The following MYCN variants were observed in gnomAD, a reference collection of about 807,000 sequenced individuals.
MYCN encodes the protein MYCN proto-oncogene, bHLH transcription factor.
MYCN carries 3 observed loss-of-function variants against 28.1 expected under a neutral mutation model. That is an observed-to-expected ratio of 0.11 (90% CI 0.05 to 0.28). The LOEUF (loss-of-function observed/expected upper bound fraction) is 0.28. MYCN is among the 10% of genes least tolerant of loss of function. The probability of loss-of-function intolerance (pLI) is 1.00; values close to 1 mark genes in which losing one functional copy is unlikely to be tolerated. For missense variants in MYCN, 572 were observed against 651.4 expected, an observed-to-expected ratio of 0.88 and a Z score of 1.33; for synonymous variants, 326 against 288.3, an observed-to-expected ratio of 1.13 and a Z score of -1.32.
In MYCN at chr2:15,946,229, G is replaced by GCCCACC; in HGVS notation, c.*133_*134insCCACCC. ...CCCTGTCGAGTTCGGCTCTGGGTGG[G>GCCCACC]CAGTAGGACCACCAGTGTGGGGTTC... On this transcript the variant is annotated 3_prime_UTR_variant, in exon 3 of 3. Coordinates refer to ENST00000281043, the MANE Select transcript of MYCN (RefSeq NM_005378.6). 8 of 1,298,066 alleles carry GCCCACC rather than the reference G, an allele frequency of 6.2e-6. No individual in the cohort carries two copies. Among genetic ancestry groups the GCCCACC allele is most frequent in the Non-Finnish European group, 6.5e-6 (6 of 920,024 alleles). The allele number at this position is 1,298,066 out of a possible 1,614,324, so 80.4% of individuals were successfully genotyped here. A position where few individuals can be genotyped will look rare whatever the true frequency, so the allele number is the denominator to read the frequency against.
intron 2 of MYCN, among the ~76,000 whole-genome samples, chr2:15,944,861 C>A (rs1336731156): frequency 6.6e-6 from 1 of 152,092 alleles, no homozygotes; most frequent in African/African-American, 2.4e-5. Flanking sequence ...CTGTCTGACC[C>A]TAAAGGCCAA....
chr2:15,945,701 C>T lies in MYCN; in HGVS notation c.999C>T (p.Ala333=), dbSNP rs138606824. The change falls in exon 3 of 3, where the codon GCC becomes GCT. Residue 333 remains alanine, a synonymous_variant. Coordinates refer to ENST00000281043, the MANE Select transcript of MYCN (RefSeq NM_005378.6). This position sits in a 1 kb window ranked among gnomAD's most constrained non-coding sequence, Gnocchi z 4.8. ...CLPIHQQHNY[A]APSPYVESED... ...CCATCCACCAGCAGCACAACTATGC[C>T]GCCCCCTCTCCCTACGTGGAGAGTG... The T allele has an allele frequency of 4.3e-5, 70 of 1,613,946 alleles. No individual in the cohort carries two copies. The highest frequency in any genetic ancestry group is 2.4e-4 in the African/African-American group (18 of 74,920).
rs2103331329 is a variant in MYCN, at chr2:15,945,818, C to T, written c.1116C>T (p.Pro372=). The change falls in exon 3 of 3, where the codon CCC becomes CCT. Residue 372 remains proline (P), a synonymous_variant. Transcript: ENST00000281043. The surrounding 1 kb of genome is among the most constrained non-coding windows in gnomAD (Gnocchi z 4.8). ...VIPPKAKSLS[P]RNSDSEDSER... ...CCCCAAAGGCTAAGAGCTTGAGCCC[C>T]CGAAACTCTGACTCGGAGGACAGTG... 4 of 1,614,054 alleles carry T rather than the reference C, an allele frequency of 2.5e-6. No homozygotes were observed. Among genetic ancestry groups the T allele is most frequent in the Non-Finnish European group, 3.4e-6 (4 of 1,180,048 alleles).
chr2:15,941,907 C>A lies in MYCN; in HGVS notation c.-117-41C>A. On this transcript the variant is annotated intron_variant, in intron 1 of 2. Coordinates refer to ENST00000281043, the MANE Select transcript of MYCN (RefSeq NM_005378.6). This position sits in a 1 kb window ranked among gnomAD's most constrained non-coding sequence, Gnocchi z 4.8. ...GCCCATTGCCTATCCCCTCGGTCTGCCCCGTTTGCCCACCCTCTCCGGTGT... is the reference window on the plus strand; with the variant it reads ...GCCCATTGCCTATCCCCTCGGTCTGACCCGTTTGCCCACCCTCTCCGGTGT... 1 of 868,090 alleles carries A rather than the reference C, an allele frequency of 1.2e-6. No individual in the cohort carries two copies. Among genetic ancestry groups the A allele is most frequent in the Non-Finnish European group, 1.8e-6 (1 of 556,226 alleles). 53.8% of individuals were successfully genotyped at this position (868,090 alleles called of 1,614,324 possible).
rs777589913 is a variant in MYCN, at chr2:15,942,872, GT to G, written c.790+19del. The G allele has an allele frequency of 4.4e-6, 7 of 1,575,830 alleles. No homozygotes were observed. The South Asian group carries it at 6.8e-5, about 15-fold the overall frequency. On this transcript the variant is annotated intron_variant, in intron 2 of 2. Coordinates refer to ENST00000281043, the MANE Select transcript of MYCN (RefSeq NM_005378.6). This position sits in a 1 kb window ranked among gnomAD's most constrained non-coding sequence, Gnocchi z 7.0. ...CGATTCAGGTAAAGACCGAACTCGG[GT>G]CCGGCTGCCTCCCTGGGGCACTGGA...
chr2:15,941,805 A>G lies in MYCN; in HGVS notation c.-117-143A>G. On this transcript the variant is annotated intron_variant, in intron 1 of 2. Coordinates refer to ENST00000281043, the MANE Select transcript of MYCN (RefSeq NM_005378.6). The surrounding 1 kb of genome is among the most constrained non-coding windows in gnomAD (Gnocchi z 4.8). ...GCGGGAGGGAGGGAGCGAGAGGCAC[A>G]ACTTCCTCCACCTTCGGGAGCAGTG... 2 of 587,248 alleles carry G rather than the reference A, an allele frequency of 3.4e-6. No individual in the cohort carries two copies. The highest frequency in any genetic ancestry group is 4.5e-4 in the Middle Eastern group (1 of 2,200). The allele number at this position is 587,248 out of a possible 1,614,324, so 36.4% of individuals were successfully genotyped here.
rs776847158 is a variant in MYCN, at chr2:15,945,558, C to T, written c.856C>T (p.Arg286Cys). ...CGACGTGGTCACTGTGGAGAAGCGG[C>T]GTTCCTCCTCCAACACCAAGGCTGT... ...EIDVVTVEKR[R>C]SSSNTKAVTT... is the part of the protein sequence containing the mutation. Residue 286 changes from arginine to cysteine, a missense_variant, in exon 3 of 3, where the codon CGT (arginine) becomes TGT (cysteine). Physicochemically the swap from Arg to Cys is radical, Grantham distance 180. Transcript: ENST00000281043. This position sits in a 1 kb window ranked among gnomAD's most constrained non-coding sequence, Gnocchi z 4.8. 3.1e-6 allele frequency: 5 copies of T among 1,614,048 alleles called. No individual in the cohort carries two copies. Among genetic ancestry groups the T allele is most frequent in the South Asian group, 2.2e-5 (2 of 91,072 alleles).
rs1337733039 is a variant in MYCN, at chr2:15,945,997, C to T, written c.1295C>T (p.Ser432Phe). Reference protein sequence around the residue: ...ILKKATEYVHSLQAEEHQLLL... With the variant: ...ILKKATEYVHFLQAEEHQLLL... ...AAAAAGGCCACTGAGTATGTCCACT[C>T]CCTCCAGGCCGAGGAGCACCAGCTT... is the stretch of plus-strand genomic sequence containing the variant. The change falls in exon 3 of 3, where the codon TCC becomes TTC. Residue 432 changes from serine to phenylalanine, a missense_variant. Physicochemically the swap from Ser to Phe is radical, Grantham distance 155 (BLOSUM62 -2). Coordinates refer to ENST00000281043, the MANE Select transcript of MYCN (RefSeq NM_005378.6). The surrounding 1 kb of genome is among the most constrained non-coding windows in gnomAD (Gnocchi z 4.8). 2 of 1,614,202 alleles carry T rather than the reference C, an allele frequency of 1.2e-6. No individual in the cohort carries two copies. Among genetic ancestry groups the T allele is most frequent in the Non-Finnish European group, 1.7e-6 (2 of 1,180,050 alleles).
Position 15,942,907 on chromosome 2 carries a change from C to T in MYCN, c.790+53C>T, listed in dbSNP as rs548667786. ...CTCCCTGGGGCACTGGACCCCGGGT[C>T]GCGTCCCCTTTGTTAGTGCTCGTAT... On this transcript the variant is annotated intron_variant, in intron 2 of 2. Transcript: ENST00000281043. The surrounding 1 kb of genome is among the most constrained non-coding windows in gnomAD (Gnocchi z 7.0). The T allele has an allele frequency of 1.3e-6, 2 of 1,536,904 alleles. No individual in the cohort carries two copies. The highest frequency in any genetic ancestry group is 1.4e-5 in the African/African-American group (1 of 73,002).
chr2:15,941,974 C>T lies in MYCN; in HGVS notation c.-91C>T, dbSNP rs1662690464. 1 of 1,538,600 alleles carries T rather than the reference C, an allele frequency of 6.5e-7. No individual in the cohort carries two copies. The highest frequency in any genetic ancestry group is 8.8e-7 in the Non-Finnish European group (1 of 1,131,310). ...GTTGGAGGTCGGCGCCGGCCCCCGC[C>T]TTCCGCGCCCCCCACGGGAAGGAAG... On this transcript the variant is annotated 5_prime_UTR_variant, in exon 2 of 3. Coordinates refer to ENST00000281043, the MANE Select transcript of MYCN (RefSeq NM_005378.6). The surrounding 1 kb of genome is among the most constrained non-coding windows in gnomAD (Gnocchi z 4.8).
chr2:15,944,343 T>G (rs1662801309), intron 2 of MYCN, among the ~76,000 whole-genome samples: 2 of 152,210 alleles, frequency 1.3e-5, no homozygotes, highest in Non-Finnish European at 1.5e-5. Flanking sequence ...GCGCACATGA[T>G]GCTACACGTT....
chr2:15,946,252 T>A lies in MYCN; in HGVS notation c.*155T>A. The stretch of plus-strand genomic sequence containing the variant: ...GGGCAGTAGGACCACCAGTGTGGGG[T>A]TCTGCTGGGACCTTGGAGAGCCTGC... On this transcript the variant is annotated 3_prime_UTR_variant, in exon 3 of 3. Transcript: ENST00000281043. 9.1e-7 allele frequency: 1 copy of A among 1,096,900 alleles called. No individual in the cohort carries two copies. Among genetic ancestry groups the A allele is most frequent in the Non-Finnish European group, 1.3e-6 (1 of 746,642 alleles). 67.9% of individuals were successfully genotyped at this position (1,096,900 alleles called of 1,614,324 possible).
chr2:15,943,379 C>A (rs1300288772), intron 2 of MYCN, among the ~76,000 whole-genome samples: 1 of 149,632 alleles, frequency 6.7e-6, no homozygotes, highest in Admixed American at 6.7e-5. Context: ...TGGCTAGAGC[C>A]GATTTTCTAT....
chr2:15,945,922 A>G lies in MYCN; in HGVS notation c.1220A>G (p.His407Arg). 6.2e-7 allele frequency: 1 copy of G among 1,614,156 alleles called. No homozygotes were observed. ...TCCAGCTTTCTCACGCTCAGGGACCACGTGCCGGAGTTGGTAAAGAATGAG... is the reference window on the plus strand; with the variant it reads ...TCCAGCTTTCTCACGCTCAGGGACCGCGTGCCGGAGTTGGTAAAGAATGAG... The part of the protein sequence containing the change: ...LRSSFLTLRD[H>R]VPELVKNEKA... The change falls in exon 3 of 3, where the codon CAC (histidine) becomes CGC (arginine). Residue 407 changes from histidine to arginine, a missense_variant. Coordinates refer to ENST00000281043, the MANE Select transcript of MYCN (RefSeq NM_005378.6). The surrounding 1 kb of genome is among the most constrained non-coding windows in gnomAD (Gnocchi z 4.8).
chr2:15,942,360 T>C lies in MYCN; in HGVS notation c.296T>C (p.Leu99Pro). ...GSPAEEDAFG[L>P]GGLGGLTPNP... ...CCGGCCGAGGAGGACGCGTTCGGCCTGGGGGGACTGGGTGGCCTCACCCCC... is the reference window on the plus strand; with the variant it reads ...CCGGCCGAGGAGGACGCGTTCGGCCCGGGGGGACTGGGTGGCCTCACCCCC... The change falls in exon 2 of 3, where the codon CTG becomes CCG. Residue 99 changes from leucine (L) to proline (P), a missense_variant. Leu to Pro is a moderately conservative substitution (Grantham distance 98). Transcript: ENST00000281043. This position sits in a 1 kb window ranked among gnomAD's most constrained non-coding sequence, Gnocchi z 7.0. 1 of 1,606,822 alleles carries C rather than the reference T, an allele frequency of 6.2e-7. No homozygotes were observed.
rs1662875798 is a variant in MYCN, at chr2:15,946,425, T to C, written c.*328T>C. On this transcript the variant is annotated 3_prime_UTR_variant, in exon 3 of 3. Transcript: ENST00000281043. ...AACAACAGAAAGTCATTCCTTCTTT[T>C]TAAAATGGTGCTTAAGTTCCAGCAG... 2.3e-6 allele frequency: 1 copy of C among 442,734 alleles called. No individual in the cohort carries two copies. Among genetic ancestry groups the C allele is most frequent in the Non-Finnish European group, 4.2e-6 (1 of 238,960 alleles). The allele number at this position is 442,734 out of a possible 1,614,324, so 27.4% of individuals were successfully genotyped here.
In MYCN at chr2:15,945,259, C is replaced by T. The variant is rs1283306752; in HGVS notation, c.791-234C>T. Among the ~76,000 whole-genome samples the T allele has an allele frequency of 3.3e-5, 5 of 152,054 alleles. No homozygotes were observed. Among genetic ancestry groups the T allele is most frequent in the African/African-American group, 1.2e-4 (5 of 41,394 alleles). On this transcript the variant is annotated intron_variant, in intron 2 of 2. Transcript: ENST00000281043. This position sits in a 1 kb window ranked among gnomAD's most constrained non-coding sequence, Gnocchi z 4.8. ...AGGTGATCTGCCCGCCTCCGCTTCCCAAAGTGCTGGGATTACAGGTGTGAG... is the reference window on the plus strand; with the variant it reads ...AGGTGATCTGCCCGCCTCCGCTTCCTAAAGTGCTGGGATTACAGGTGTGAG...
Position 15,946,257 on chromosome 2 carries a change from C to G in MYCN, c.*160C>G, listed in dbSNP as rs1291268300. The G allele has an allele frequency of 2.8e-6, 3 of 1,060,388 alleles. No homozygotes were observed. In the African/African-American group the frequency reaches 4.7e-5, roughly 17 times the overall value. 65.7% of individuals were successfully genotyped at this position (1,060,388 alleles called of 1,614,324 possible). On this transcript the variant is annotated 3_prime_UTR_variant, in exon 3 of 3. Transcript: ENST00000281043. ...GTAGGACCACCAGTGTGGGGTTCTG[C>G]TGGGACCTTGGAGAGCCTGCATCCC...
In MYCN at chr2:15,946,269, A is replaced by G; in HGVS notation, c.*172A>G. 1.1e-6 allele frequency: 1 copy of G among 914,752 alleles called. No individual in the cohort carries two copies. The highest frequency in any genetic ancestry group is 1.5e-5 in the South Asian group (1 of 65,016). The allele number at this position is 914,752 out of a possible 1,614,324, so 56.7% of individuals were successfully genotyped here. Reference sequence around the variant, plus strand: ...GTGTGGGGTTCTGCTGGGACCTTGGAGAGCCTGCATCCCAGGATGCTGGGT... The same window carrying G: ...GTGTGGGGTTCTGCTGGGACCTTGGGGAGCCTGCATCCCAGGATGCTGGGT... On this transcript the variant is annotated 3_prime_UTR_variant, in exon 3 of 3. Coordinates refer to ENST00000281043, the MANE Select transcript of MYCN (RefSeq NM_005378.6).
Sources: allele counts gnomAD v4.1 joint callset (sites outside exome capture counted in the v4.1 genomes callset), GRCh38; gene constraint gnomAD v4.1.1; non-coding constraint Gnocchi (gnomAD v3.1); transcripts MANE v1.5; gene names NCBI Gene and HGNC (gene_info 2026-07-23, HGNC 2026-07-21).